Variants in ZFHX3 observed in about 807,000 individuals in gnomAD.
ZFHX3 encodes the protein zinc finger homeobox protein 3.
A neutral mutation model predicts 279.1 loss-of-function variants in ZFHX3; 42 were observed. The ratio of observed to expected loss-of-function variants is 0.15; its 90% confidence interval spans 0.12 to 0.19. ZFHX3 has a LOEUF of 0.19. Among genes scored for constraint, ZFHX3 ranks in the 10% least tolerant of loss-of-function variants. The pLI is 1.00. For synonymous variants in ZFHX3, 2,293 were observed against 1,957.8 expected (o/e 1.17, Z -4.52); for missense variants, 4,981 against 4,754.0 (o/e 1.05, Z -1.40).
intron 5 of ZFHX3, among the ~76,000 whole-genome samples, chr16:73,147,686 C>A (rs1323292116): frequency 3.0e-5 from 3 of 100,954 alleles, no homozygotes. Context: ...AGCGAGACTC[C>A]GTCTCAAAAA....
rs2035262247 is a variant in ZFHX3, at chr16:72,784,427, A to T, written c.*2737T>A. The T allele has an allele frequency of 6.6e-6, 1 of 152,560 alleles. No homozygotes were observed. Among genetic ancestry groups the T allele is most frequent in the African/African-American group, 2.4e-5 (1 of 41,434 alleles). The allele number at this position is 152,560 out of a possible 1,614,324, so 9.5% of individuals were successfully genotyped here. ...TTCAGAGAAGACCTAGCAGAATTTG[A>T]CAGGTAAAGCTAGTGTTACATTGTT... On this transcript the variant is annotated 3_prime_UTR_variant, in exon 10 of 10. Transcript: ENST00000268489.
At chr16:73,789,584 A>G (rs559384792) in intron 1 of ZFHX3, among the ~76,000 whole-genome samples, 1 of 152,318 alleles carries the variant, frequency 6.6e-6, no homozygotes, top group African/African-American at 2.4e-5. Flanking sequence ...GGAATTGCAA[A>G]TATTATTATT....
intron 3 of ZFHX3, among the ~76,000 whole-genome samples, chr16:72,928,193 GAGGGGAGCGAGGGGGAGCGA>G (rs1328898194): frequency 6.7e-5 from 3 of 44,946 alleles, no homozygotes; most frequent in Non-Finnish European, 1.3e-4. Flanking sequence ...GAGGGAGGGG[GAGGGGAGCGAGGGGGAGCGA>G]AGGGGAGCGA....
chr16:73,800,799 A>C (rs180685126), intron 1 of ZFHX3, among the ~76,000 whole-genome samples: 11 of 151,944 alleles, frequency 7.2e-5, no homozygotes, highest in Admixed American at 6.6e-4. Context: ...TGAAGTTCAG[A>C]CTCCGTCTAC....
In ZFHX3 at chr16:72,822,624, T is replaced by C. The variant is rs145647642; in HGVS notation, c.3529+7155A>G. Among the ~76,000 whole-genome samples the C allele has an allele frequency of 4.5e-3, 678 of 152,316 alleles. 3 individuals carry two copies. Among genetic ancestry groups the C allele is most frequent in the Middle Eastern group, 0.031 (9 of 294 alleles). On this transcript the variant is annotated intron_variant, in intron 5 of 9. Transcript: ENST00000268489. ...TGGAACAAAGCAGGCAAGATTAACA[T>C]GGCCACTCTGTAAGAATAATATGCA...
intron 2 of ZFHX3, among the ~76,000 whole-genome samples, chr16:73,542,820 G>C (rs956522604): frequency 1.4e-4 from 21 of 152,132 alleles, no homozygotes; most frequent in African/African-American, 4.3e-4. Flanking sequence ...TAATTGGCAT[G>C]TTGTATTTTA....
At chr16:73,229,522 T>A (rs1399445872) in intron 5 of ZFHX3, among the ~76,000 whole-genome samples, 1 of 152,236 alleles carries the variant, frequency 6.6e-6, no homozygotes, top group East Asian at 1.9e-4. Context: ...ATGATAAAAG[T>A]AATCTCAATT....
intron 4 of ZFHX3, among the ~76,000 whole-genome samples, chr16:72,877,657 G>C (rs542925422): frequency 6.6e-6 from 1 of 152,192 alleles, no homozygotes; most frequent in South Asian, 2.1e-4. Context: ...TGAGTCACTA[G>C]GAAAGGATTT....
chr16:73,114,274 G>A (rs569186556), intron 7 of ZFHX3, among the ~76,000 whole-genome samples: 1 of 151,962 alleles, frequency 6.6e-6, no homozygotes, highest in African/African-American at 2.4e-5. Flanking sequence ...ATTTTCTGAG[G>A]CTATTTGGTG....
intron 2 of ZFHX3, among the ~76,000 whole-genome samples, chr16:73,596,275 G>A (rs1010757774): frequency 1.3e-5 from 2 of 151,950 alleles, no homozygotes; most frequent in Admixed American, 6.6e-5. Context: ...CACCCACCTC[G>A]GCCTCCCAAA....
intron 2 of ZFHX3, among the ~76,000 whole-genome samples, chr16:73,526,998 G>C (rs1011132158): frequency 6.6e-6 from 1 of 151,940 alleles, no homozygotes; most frequent in Admixed American, 6.6e-5. Context: ...TCCAATATAA[G>C]AGACAACTAG....
chr16:73,466,619 A>T (rs561104853), intron 2 of ZFHX3, among the ~76,000 whole-genome samples: 4 of 152,280 alleles, frequency 2.6e-5, no homozygotes, highest in African/African-American at 9.6e-5. Flanking sequence ...GCTGATCTGG[A>T]AGGGTGGGTG....
intron 3 of ZFHX3, among the ~76,000 whole-genome samples, chr16:72,914,801 G>A (rs945114327): frequency 6.6e-6 from 1 of 152,048 alleles, no homozygotes; most frequent in Admixed American, 6.6e-5. Flanking sequence ...GACAAGCTTG[G>A]CCAATACGGT....
chr16:72,910,346 A>G (rs2039287554), intron 3 of ZFHX3, among the ~76,000 whole-genome samples: 1 of 152,202 alleles, frequency 6.6e-6, no homozygotes. Flanking sequence ...TCCCTGCGTC[A>G]TGCCATGCTC....
chr16:73,795,534 AC>A (rs1959965148), intron 1 of ZFHX3, among the ~76,000 whole-genome samples: 1 of 152,112 alleles, frequency 6.6e-6, no homozygotes, highest in Admixed American at 6.5e-5. Flanking sequence ...TGAATAGAGA[AC>A]CTTTCTATCT....
Position 73,457,780 on chromosome 16 carries a change from A to C in ZFHX3, c.-1546-1522T>G, listed in dbSNP as rs560429609. On this transcript the variant is annotated intron_variant, in intron 2 of 17. Transcript: ENST00000641206. ...ACAGAGCGAGACTCCGTCTCAAAAA[A>C]TAAAATAAAATAAAATAAAAATGAG... Among the ~76,000 whole-genome samples the C allele has an allele frequency of 2.6e-5, 4 of 152,306 alleles. No homozygotes were observed. In the East Asian group the frequency reaches 7.7e-4, roughly 29 times the overall value.
At chr16:73,742,477 T>C (rs1395611800) in intron 1 of ZFHX3, among the ~76,000 whole-genome samples, 1 of 152,154 alleles carries the variant, frequency 6.6e-6, no homozygotes, top group African/African-American at 2.4e-5. Flanking sequence ...ACTGGATGGG[T>C]GCTGGTCTTC....
chr16:73,709,372 G>A (rs1458327305), intron 1 of ZFHX3, among the ~76,000 whole-genome samples: 1 of 120,842 alleles, frequency 8.3e-6, no homozygotes, highest in South Asian at 2.7e-4. Context: ...GAGAGAGAGA[G>A]AGATCCTGTC....
chr16:73,123,083 C>A (rs919756552), intron 7 of ZFHX3, among the ~76,000 whole-genome samples: 1 of 151,522 alleles, frequency 6.6e-6, no homozygotes, highest in Non-Finnish European at 1.5e-5. Context: ...GAGGACACTC[C>A]CCACCCTCTA....
Sources: allele counts gnomAD v4.1 joint callset (sites outside exome capture counted in the v4.1 genomes callset), GRCh38; gene constraint gnomAD v4.1.1; transcripts MANE v1.5; gene names NCBI Gene and HGNC (gene_info 2026-07-23, HGNC 2026-07-21).